Variants in WDR76 observed in about 807,000 individuals in gnomAD.
WDR76 encodes WD repeat-containing protein 76.
A neutral mutation model predicts 70.2 loss-of-function variants in WDR76; 52 were observed. The ratio of observed to expected loss-of-function variants is 0.74; its 90% CI spans 0.59 to 0.93. WDR76 has a LOEUF of 0.93. WDR76 is among the 40% of genes least tolerant of loss of function. The pLI is 0.00. For synonymous variants in WDR76, 292 were observed against 271.1 expected, an observed-to-expected ratio of 1.08 and a Z score of -0.76; for missense variants, 756 against 760.2, an observed-to-expected ratio of 0.99 and a Z score of 0.07.
At chr15:43,851,859 C>T (rs2087864005) in intron 9 of WDR76, among the ~76,000 whole-genome samples, 1 of 152,060 alleles carries the variant, frequency 6.6e-6, no homozygotes, top group African/African-American at 2.4e-5. Flanking sequence ...CACTTGAGCC[C>T]AGGAGTTCAA....
At chr15:43,861,496 G>T (rs1226608041) in intron 12 of WDR76, 110 bp downstream of exon 12, 9 of 1,106,436 alleles carry the variant, frequency 8.1e-6, no homozygotes, top group South Asian at 4.1e-5. Flanking sequence ...CCTGATTTTT[G>T]AATACAAAAA....
At chr15:43,851,342 A>G (rs2087857613) in intron 9 of WDR76, 97 bp downstream of exon 9, 1 of 1,506,648 alleles carries the variant, frequency 6.6e-7, no homozygotes. Context: ...GAGAAGTGGT[A>G]TAGCAGAAGG....
At chr15:43,847,595 G>GT (rs986097379) in intron 8 of WDR76, among the ~76,000 whole-genome samples, 4 of 151,780 alleles carry the variant, frequency 2.6e-5, no homozygotes, top group East Asian at 1.9e-4. Context: ...TAATTTTTTT[G>GT]TTTTTTTAGT....
At chr15:43,862,500 T>C (rs1314720309) in intron 12 of WDR76, among the ~76,000 whole-genome samples, 1 of 146,632 alleles carries the variant, frequency 6.8e-6, no homozygotes, top group Non-Finnish European at 1.5e-5. Context: ...GTTTTTTTTT[T>C]TGTTTTTTGT....
chr15:43,866,326 G>T lies in WDR76; in HGVS notation c.1815G>T (p.Arg605=). Reference sequence around the variant, plus strand: ...CCATCAATGCCATGCACCCAACTCGGTATATTTTGGCTGGAGGTAATTCCA... The same window carrying T: ...CCATCAATGCCATGCACCCAACTCGTTATATTTTGGCTGGAGGTAATTCCA... The part of the protein sequence containing the change: ...VCSINAMHPT[R]YILAGGNSSG... The change falls in exon 13 of 13, where the codon CGG becomes CGT. Residue 605 remains arginine (R), a synonymous_variant. Coordinates refer to ENST00000263795, the MANE Select transcript of WDR76 (RefSeq NM_024908.4). The T allele has an allele frequency of 6.2e-7, 1 of 1,614,104 alleles. No individual in the cohort carries two copies. The highest frequency in any genetic ancestry group is 1.7e-5 in the Admixed American group (1 of 60,008).
chr15:43,846,481 A>C (rs922774814), intron 8 of WDR76, among the ~76,000 whole-genome samples: 2 of 148,762 alleles, frequency 1.3e-5, no homozygotes, highest in Non-Finnish European at 1.5e-5. Context: ...GATGGGTCTC[A>C]CTATGTTGCC....
intron 8 of WDR76, among the ~76,000 whole-genome samples, chr15:43,844,484 G>T (rs1252740244): frequency 1.3e-5 from 2 of 151,920 alleles, no homozygotes; most frequent in Non-Finnish European, 1.5e-5. Context: ...GCTGGGCGTG[G>T]TGGTAGGTGC....
chr15:43,852,710 C>G (rs1054956174), intron 9 of WDR76, among the ~76,000 whole-genome samples: 1 of 152,080 alleles, frequency 6.6e-6, no homozygotes, highest in African/African-American at 2.4e-5. Flanking sequence ...TGAAATCATA[C>G]AATTTGTGGT....
rs533761579 is a variant in WDR76, at chr15:43,863,101, A to G, written c.1616+1715A>G. ...CAGGCATGCACCACTATGCCCCACT[A>G]ATTTTTGTATTTTTTTTAGTAGAGA... On this transcript the variant is annotated intron_variant, in intron 12 of 12. Coordinates refer to ENST00000263795, the MANE Select transcript of WDR76 (RefSeq NM_024908.4). Among the ~76,000 whole-genome samples the G allele has an allele frequency of 2.0e-5, 3 of 151,656 alleles. No homozygotes were observed. The East Asian group carries it at 5.9e-4, about 30-fold the overall frequency.
chr15:43,844,941 A>AAG (rs2087769861), intron 8 of WDR76, among the ~76,000 whole-genome samples: 1 of 139,790 alleles, frequency 7.2e-6, no homozygotes, highest in African/African-American at 2.5e-5. Context: ...AAAAAAAAAA[A>AAG]AAAAAAAAAA....
chr15:43,837,044 A>G (rs79481795), intron 4 of WDR76, among the ~76,000 whole-genome samples: 1 of 148,730 alleles, frequency 6.7e-6, no homozygotes, highest in Non-Finnish European at 1.5e-5. Flanking sequence ...CCATCTCACA[A>G]AAAAAAAAAA....
chr15:43,831,193 T>C (rs2087583701), intron 2 of WDR76, among the ~76,000 whole-genome samples: 1 of 152,038 alleles, frequency 6.6e-6, no homozygotes, highest in Non-Finnish European at 1.5e-5. Flanking sequence ...ATCAGGCCAC[T>C]GCACTCCAGC....
intron 1 of WDR76, among the ~76,000 whole-genome samples, chr15:43,827,623 C>T (rs2087533205): frequency 6.6e-6 from 1 of 152,160 alleles, no homozygotes; most frequent in African/African-American, 2.4e-5. Flanking sequence ...CGGCTCACTG[C>T]AACCTCCGTC....
At chr15:43,844,143 G>T in intron 8 of WDR76, 89 bp downstream of exon 8, 2 of 1,233,756 alleles carry the variant, frequency 1.6e-6, no homozygotes, top group Admixed American at 2.8e-5. Flanking sequence ...GTTTATAAAT[G>T]TTGCGTGAGA....
chr15:43,847,571 C>T (rs1463719777), intron 8 of WDR76, among the ~76,000 whole-genome samples: 1 of 152,162 alleles, frequency 6.6e-6, no homozygotes. Flanking sequence ...CAGGCGTCCG[C>T]TACCACACCT....
chr15:43,852,618 C>T (rs113221890), intron 9 of WDR76, among the ~76,000 whole-genome samples: 1 of 152,114 alleles, frequency 6.6e-6, no homozygotes, highest in African/African-American at 2.4e-5. Context: ...AATCCACCTG[C>T]CTCAGCCTCC....
chr15:43,833,595 A>T (rs2087618226), intron 2 of WDR76, among the ~76,000 whole-genome samples: 1 of 150,150 alleles, frequency 6.7e-6, no homozygotes, highest in Non-Finnish European at 1.5e-5. Context: ...CTGGGATTAC[A>T]GGCGTGAGCC....
Position 43,828,048 on chromosome 15 carries a change from G to A in WDR76, c.144G>A (p.Lys48=). 1.2e-6 allele frequency: 2 copies of A among 1,614,130 alleles called. No homozygotes were observed. Among genetic ancestry groups the A allele is most frequent in the Non-Finnish European group, 1.7e-6 (2 of 1,180,040 alleles). The change falls in exon 2 of 13, where the codon AAG becomes AAA. Residue 48 remains lysine, a synonymous_variant. Transcript: ENST00000263795. ...CTACAGTTTTAATAAAAACAGCTAA[G>A]GTCTATCTTGCCCCCTTTTCACTCA... ...AQTTVLIKTA[K]VYLAPFSLSN... is the part of the protein sequence containing the mutation.
intron 2 of WDR76, among the ~76,000 whole-genome samples, chr15:43,829,605 C>T (rs1212311768): frequency 3.4e-5 from 5 of 147,686 alleles, no homozygotes; most frequent in Non-Finnish European, 7.4e-5. Context: ...CTCCCGGGTT[C>T]ACACCATTCT....
Sources: allele counts gnomAD v4.1 joint callset (sites outside exome capture counted in the v4.1 genomes callset), GRCh38; gene constraint gnomAD v4.1.1; transcripts MANE v1.5; gene names NCBI Gene and HGNC (gene_info 2026-07-23, HGNC 2026-07-21).